Variants in KMT2A observed in about 807,000 individuals in gnomAD.
KMT2A encodes the protein lysine methyltransferase 2A.
KMT2A carries 16 observed loss-of-function variants against 345.3 expected under a neutral mutation model. The ratio of observed to expected loss-of-function variants is 0.05; its 90% CI spans 0.03 to 0.07. KMT2A has a LOEUF of 0.07. Among genes scored for constraint, KMT2A ranks in the 10% least tolerant of loss-of-function variants. The pLI is 1.00. For synonymous variants in KMT2A, 1,599 were observed against 1,778.6 expected (o/e 0.90, Z 2.54); for missense variants, 3,272 against 4,841.6 (o/e 0.68, Z 9.62).
At position 118,502,985 on chromosome 11, in the gene KMT2A, A is replaced by G. The variant is rs1414055420; in HGVS notation, c.7093A>G (p.Lys2365Glu). ...AEPSSVSFSS[K>E]EALSFPHLHL... ...ACCCTCTTCAGTGTCGTTTTCTTCT[A>G]AAGAGGCCCTCTCCTTCCCACACCT... Residue 2365 changes from lysine to glutamate, a missense_variant, in exon 27 of 36, where the codon AAA (lysine) becomes GAA (glutamate). Coordinates refer to ENST00000534358, the MANE Select transcript of KMT2A (RefSeq NM_001197104.2). This position sits in a 1 kb window ranked among gnomAD's most constrained non-coding sequence, Gnocchi z 4.9. 5 of 1,614,100 alleles carry G rather than the reference A, an allele frequency of 3.1e-6. No individual in the cohort carries two copies. Among genetic ancestry groups the G allele is most frequent in the Non-Finnish European group, 4.2e-6 (5 of 1,179,992 alleles).
In KMT2A at chr11:118,472,076, C is replaced by T. The variant is rs1555035701; in HGVS notation, c.917C>T (p.Pro306Leu). ...GVQIVRRRGR[P>L]PSTERIKTPS... is the part of the protein sequence containing the mutation. ...CAAATTGTACGACGGAGAGGAAGGC[C>T]TCCATCAACAGAAAGGATAAAGACC... Residue 306 changes from proline (P) to leucine (L), a missense_variant, in exon 3 of 36, where the codon CCT becomes CTT. Transcript: ENST00000534358. The T allele has an allele frequency of 6.2e-7, 1 of 1,613,768 alleles. No homozygotes were observed. Among genetic ancestry groups the T allele is most frequent in the East Asian group, 2.2e-5 (1 of 44,882 alleles).
In KMT2A at chr11:118,472,836, G is replaced by C. The variant is rs1308673879; in HGVS notation, c.1677G>C (p.Ser559=). The C allele has an allele frequency of 3.1e-6, 5 of 1,613,626 alleles. No individual in the cohort carries two copies. Among genetic ancestry groups the C allele is most frequent in the Non-Finnish European group, 4.2e-6 (5 of 1,179,914 alleles). ...GTGCCCCCCAGCAGCAGACCTCCTC[G>C]TCTCCACCTCCACCTCTGCTGACTC... ...LQSAPQQQTS[S]SPPPPLLTPP... The change falls in exon 3 of 36, where the codon TCG becomes TCC. Residue 559 remains serine (S), a synonymous_variant. Coordinates refer to ENST00000534358, the MANE Select transcript of KMT2A (RefSeq NM_001197104.2).
In KMT2A at chr11:118,509,192, A is replaced by G; in HGVS notation, c.10892A>G (p.Glu3631Gly). 6.2e-7 allele frequency: 1 copy of G among 1,613,704 alleles called. No individual in the cohort carries two copies. The highest frequency in any genetic ancestry group is 1.1e-5 in the South Asian group (1 of 91,060). ...ACCCAAAATCCAGCAAATGAACAAG[A>G]AAGTGCAGGTATGTGGGTGGGTAAA... ...QVTQNPANEQ[E>G]SAEPKTVEEE... Residue 3631 changes from glutamate to glycine, a missense_variant, in exon 29 of 36, where the codon GAA (glutamate) becomes GGA (glycine). By Grantham distance (98) the Glu-to-Gly change is moderately conservative (BLOSUM62 -2). Coordinates refer to ENST00000534358, the MANE Select transcript of KMT2A (RefSeq NM_001197104.2).
At position 118,493,553 on chromosome 11, in the gene KMT2A, C is replaced by T. The variant is rs997062455; in HGVS notation, c.5178+323C>T. Among the ~76,000 whole-genome samples the T allele has an allele frequency of 6.6e-6, 1 of 151,994 alleles. No individual in the cohort carries two copies. The highest frequency in any genetic ancestry group is 1.5e-5 in the Non-Finnish European group (1 of 68,004). On this transcript the variant is annotated intron_variant, in intron 16 of 35. Coordinates refer to ENST00000534358, the MANE Select transcript of KMT2A (RefSeq NM_001197104.2). This position sits in a 1 kb window ranked among gnomAD's most constrained non-coding sequence, Gnocchi z 5.8. ...GCTAATATGAAATTAATTGGTTCTC[C>T]CTCCCCTTTTGAGATCAGATCTGAA...
intron 1 of KMT2A, among the ~76,000 whole-genome samples, chr11:118,460,245 T>G (rs1374584319): frequency 6.6e-6 from 1 of 152,198 alleles, no homozygotes; most frequent in Non-Finnish European, 1.5e-5. Flanking sequence ...TTTTGAAATT[T>G]GAATATTTCT....
At position 118,520,564 on chromosome 11, in the gene KMT2A, T is replaced by C. The variant is rs1300589899; in HGVS notation, c.11430-238T>C. ...TACTCAGCAGGCTGAGGCAAGAGAA[T>C]CGCTTGAACCCAGGAGGCGGAGGTT... On this transcript the variant is annotated intron_variant, in intron 33 of 35. Transcript: ENST00000534358. The surrounding 1 kb of genome is among the most constrained non-coding windows in gnomAD (Gnocchi z 4.3). 2 of 502,150 alleles carry C rather than the reference T, an allele frequency of 4.0e-6. No individual in the cohort carries two copies. The highest frequency in any genetic ancestry group is 3.9e-5 in the African/African-American group (2 of 51,746). The allele number at this position is 502,150 out of a possible 1,614,324, so 31.1% of individuals were successfully genotyped here.
At position 118,478,065 on chromosome 11, in the gene KMT2A, C is replaced by G; in HGVS notation, c.3433C>G (p.Pro1145Ala). 2 of 1,614,122 alleles carry G rather than the reference C, an allele frequency of 1.2e-6. No individual in the cohort carries two copies. Among genetic ancestry groups the G allele is most frequent in the Non-Finnish European group, 1.7e-6 (2 of 1,180,022 alleles). Residue 1145 changes from proline (P) to alanine (A), a missense_variant, in exon 5 of 36, where the codon CCA becomes GCA. Physicochemically the swap from Pro to Ala is conservative, Grantham distance 27. Around this residue, in one of 27 missense-constraint regions of KMT2A, gnomAD observed 33 missense variants for 46.5 expected, o/e 0.71. Coordinates refer to ENST00000534358, the MANE Select transcript of KMT2A (RefSeq NM_001197104.2). ...TAGAAACAAGGCACCCCAGGAACCT[C>G]CAGTAAAGAAAGGACGTCGATCGAG... ...VTRNKAPQEP[P>A]VKKGRRSRRC...
At chr11:118,458,225 AG>A in intron 1 of KMT2A, 1 of 329,766 alleles carries the variant, frequency 3.0e-6, no homozygotes, top group Non-Finnish European at 6.0e-6. Context: ...CTGGGACTAC[AG>A]GCACCCACCA....
Position 118,496,195 on chromosome 11 carries a change from TCAGA to T in KMT2A, c.5558-63_5558-60del. The T allele has an allele frequency of 8.7e-7, 1 of 1,147,912 alleles. No homozygotes were observed. The highest frequency in any genetic ancestry group is 1.3e-6 in the Non-Finnish European group (1 of 761,698). 71.1% of individuals were successfully genotyped at this position (1,147,912 alleles called of 1,614,324 possible). A position where few individuals can be genotyped will look rare whatever the true frequency, so the allele number is the denominator to read the frequency against. On this transcript the variant is annotated intron_variant, in intron 19 of 35. Transcript: ENST00000534358. This position sits in a 1 kb window ranked among gnomAD's most constrained non-coding sequence, Gnocchi z 4.7. ...TGAATTATTTCTTTTTTCCTTGAAA[TCAGA>T]CATAGTATTGCCAATTTTAACTGGA...
At position 118,517,245 on chromosome 11, in the gene KMT2A, A is replaced by T. The variant is rs537181053; in HGVS notation, c.11147-2373A>T. 7.6e-4 allele frequency among the ~76,000 whole-genome samples: 116 copies of T among 151,822 alleles called. 1 individual carries two copies. Among genetic ancestry groups the T allele is most frequent in the African/African-American group, 2.7e-3 (113 of 41,412 alleles). The stretch of plus-strand genomic sequence containing the variant: ...CCCGTCTCTACTAAAAAATACAAAA[A>T]ATTAGCCAGGCGTGGTGGCGGGCGC... On this transcript the variant is annotated intron_variant, in intron 31 of 35. Coordinates refer to ENST00000534358, the MANE Select transcript of KMT2A (RefSeq NM_001197104.2).
At position 118,495,183 on chromosome 11, in the gene KMT2A, G is replaced by A. The variant is rs1555043645; in HGVS notation, c.5363+416G>A. ...TTATTTATTTTTTTTTTTTTGAGAC[G>A]GAGTCTCGTTCTGTCACCAGGCTGG... On this transcript the variant is annotated intron_variant, in intron 18 of 35. Coordinates refer to ENST00000534358, the MANE Select transcript of KMT2A (RefSeq NM_001197104.2). This position sits in a 1 kb window ranked among gnomAD's most constrained non-coding sequence, Gnocchi z 4.1. 1.4e-5 allele frequency among the ~76,000 whole-genome samples: 2 copies of A among 148,026 alleles called. No individual in the cohort carries two copies. The highest frequency in any genetic ancestry group is 2.5e-5 in the African/African-American group (1 of 39,888).
intron 1 of KMT2A, among the ~76,000 whole-genome samples, chr11:118,455,633 C>G (rs554424447): frequency 6.6e-6 from 1 of 152,024 alleles, no homozygotes; most frequent in Non-Finnish European, 1.5e-5. Context: ...ATCCTTGCAT[C>G]TGATTTTCTT....
At chr11:118,500,832 T>G in intron 24 of KMT2A, 155 bp from the exon 25 acceptor site, 1 of 458,560 alleles carries the variant, frequency 2.2e-6, no homozygotes, top group Non-Finnish European at 3.8e-6. Context: ...TGGAACAACC[T>G]AACTAGGGGA....
chr11:118,473,886 T>G lies in KMT2A; in HGVS notation c.2727T>G (p.Gly909=), dbSNP rs1949988023. 1 of 1,613,944 alleles carries G rather than the reference T, an allele frequency of 6.2e-7. No homozygotes were observed. Among genetic ancestry groups the G allele is most frequent in the Non-Finnish European group, 8.5e-7 (1 of 1,180,024 alleles). ...IQSSSALYPV[G]RVSKEKVVGE... The stretch of plus-strand genomic sequence containing the variant: ...GTAGTTCTGCTTTGTATCCTGTGGG[T>G]AGGGTTTCCAAAGAGAAGGTTGTTG... Residue 909 remains glycine (G), a synonymous_variant, in exon 3 of 36, where the codon GGT becomes GGG. Coordinates refer to ENST00000534358, the MANE Select transcript of KMT2A (RefSeq NM_001197104.2). This position sits in a 1 kb window ranked among gnomAD's most constrained non-coding sequence, Gnocchi z 5.2.
chr11:118,478,213 T>C lies in KMT2A; in HGVS notation c.3569+12T>C. The C allele has an allele frequency of 6.3e-7, 1 of 1,599,524 alleles. No homozygotes were observed. On this transcript the variant is annotated intron_variant, in intron 5 of 35. Transcript: ENST00000534358. Reference sequence around the variant, plus strand: ...AAGCAGTGCTGCAAGTAAGTGGGTGTTTCACTCTGAGATGTTGACCTCTCA... The same window carrying C: ...AAGCAGTGCTGCAAGTAAGTGGGTGCTTCACTCTGAGATGTTGACCTCTCA...
chr11:118,523,322 G>T lies in KMT2A; in HGVS notation c.*1150G>T, dbSNP rs1223708421. 1 of 229,210 alleles carries T rather than the reference G, an allele frequency of 4.4e-6. No homozygotes were observed. The highest frequency in any genetic ancestry group is 6.2e-5 in the East Asian group (1 of 16,066). 14.2% of individuals were successfully genotyped at this position (229,210 alleles called of 1,614,324 possible). A position where few individuals can be genotyped will look rare whatever the true frequency, so the allele number is the denominator to read the frequency against. ...CCAGTTGAAGGCAGAACACTAATCA[G>T]ATTTCAAGGCCCACAACTTGGGGAC... is the stretch of plus-strand genomic sequence containing the variant. On this transcript the variant is annotated 3_prime_UTR_variant, in exon 36 of 36. Transcript: ENST00000534358.
rs531079455 is a variant in KMT2A at position 118,524,496 on chromosome 11, C to T, written c.*2324C>T. The stretch of plus-strand genomic sequence containing the variant: ...TTTCACTGTCATGCAGGGAGCCCAG[C>T]ACTGTGGCCAGGATGGCAGAGACTT... On this transcript the variant is annotated 3_prime_UTR_variant, in exon 36 of 36. Coordinates refer to ENST00000534358, the MANE Select transcript of KMT2A (RefSeq NM_001197104.2). The T allele has an allele frequency of 2.7e-5, 5 of 185,268 alleles. No individual in the cohort carries two copies. In the East Asian group the frequency reaches 3.5e-4, roughly 13 times the overall value. The allele number at this position is 185,268 out of a possible 1,614,324, so 11.5% of individuals were successfully genotyped here.
intron 24 of KMT2A, chr11:118,500,554 G>A (rs1339009502): frequency 6.4e-6 from 1 of 155,638 alleles, no homozygotes; most frequent in Non-Finnish European, 1.4e-5. Context: ...ATTTGAAGCA[G>A]TTACATTTCT....
intron 1 of KMT2A, among the ~76,000 whole-genome samples, chr11:118,446,369 AAAG>A: frequency 6.6e-6 from 1 of 152,274 alleles, no homozygotes; most frequent in East Asian, 1.9e-4. Context: ...AAAGAAAAGA[AAAG>A]AAAAGATTTG....
Sources: allele counts gnomAD v4.1 joint callset (sites outside exome capture counted in the v4.1 genomes callset), GRCh38; gene constraint gnomAD v4.1.1; regional missense constraint gnomAD v4.1.1; non-coding constraint Gnocchi (gnomAD v3.1); transcripts MANE v1.5; gene names NCBI Gene and HGNC (gene_info 2026-07-23, HGNC 2026-07-21).